The following ITGBL1 variants were observed in gnomAD, a reference collection of about 807,000 sequenced individuals.
ITGBL1 encodes integrin subunit beta like 1.
Under a neutral mutation model 68.5 loss-of-function variants are expected in ITGBL1, and 51 were observed. The ratio of observed to expected loss-of-function variants is 0.74; its 90% CI spans 0.59 to 0.94. The LOEUF is 0.94. ITGBL1 is among the 40% of genes least tolerant of loss of function. The pLI, the probability that ITGBL1 is intolerant of heterozygous loss-of-function variation, is 0.00. For missense variants in ITGBL1, 649 were observed against 647.4 expected, an observed-to-expected ratio of 1.00 and a Z score of -0.03; for synonymous variants, 209 against 227.3, an observed-to-expected ratio of 0.92 and a Z score of 0.72.
Position 101,671,437 on chromosome 13 carries a change from G to GTTT in ITGBL1, c.1016-21141_1016-21139dup, listed in dbSNP as rs1491455482. 1.3e-3 allele frequency among the ~76,000 whole-genome samples: 136 copies of GTTT among 102,834 alleles called. 10 individuals are homozygous for GTTT. The highest frequency in any genetic ancestry group is 7.2e-3 in the East Asian group (18 of 2,512). The allele number at this position is 102,834 out of a possible 152,430, so 67.5% of individuals were successfully genotyped here. On this transcript the variant is annotated intron_variant, in intron 7 of 10. Coordinates refer to ENST00000376180, the MANE Select transcript of ITGBL1 (RefSeq NM_004791.3). The stretch of plus-strand genomic sequence containing the variant: ...AAAAGTATACCTTTGTTTTTTTTTT[G>GTTT]TTTTTTTTTGTTTTTTTTTGAGACG...
intron 2 of ITGBL1, among the ~76,000 whole-genome samples, chr13:101,478,432 A>G (rs1260250339): frequency 1.3e-5 from 2 of 152,128 alleles, no homozygotes; most frequent in Admixed American, 1.3e-4. Flanking sequence ...CACGATACGG[A>G]TGCCCACTTT....
intron 7 of ITGBL1, among the ~76,000 whole-genome samples, chr13:101,605,206 GTATA>G (rs1486003559): frequency 7.0e-6 from 1 of 142,448 alleles, no homozygotes; most frequent in African/African-American, 2.7e-5. Flanking sequence ...GTGTATATGC[GTATA>G]TATACACATA....
At chr13:101,463,999 C>T (rs12428334) in intron 2 of ITGBL1, among the ~76,000 whole-genome samples, 3 of 150,862 alleles carry the variant, frequency 2.0e-5, no homozygotes, top group Admixed American at 6.6e-5. Context: ...ACCTCCACCC[C>T]CCGGATTCAA....
chr13:101,538,823 T>A (rs1424831017), intron 2 of ITGBL1, among the ~76,000 whole-genome samples: 1 of 152,098 alleles, frequency 6.6e-6, no homozygotes. Flanking sequence ...ACTTACATAG[T>A]GTTTATTATG....
At chr13:101,711,128 G>A (rs2034445892) in intron 9 of ITGBL1, 1 of 152,218 alleles carries the variant, frequency 6.6e-6, no homozygotes, top group African/African-American at 2.4e-5. Context: ...CCTTTGCAAA[G>A]TACATGATAT....
At chr13:101,510,433 C>T (rs554305306) in intron 2 of ITGBL1, among the ~76,000 whole-genome samples, 3 of 152,060 alleles carry the variant, frequency 2.0e-5, no homozygotes, top group East Asian at 3.9e-4. Flanking sequence ...AGGTTGATTC[C>T]GTGTTTTTGC....
At chr13:101,518,427 C>A (rs2049230037) in intron 2 of ITGBL1, among the ~76,000 whole-genome samples, 1 of 152,104 alleles carries the variant, frequency 6.6e-6, no homozygotes, top group African/African-American at 2.4e-5. Context: ...GTCATCTGTC[C>A]AAACAGTTAA....
At chr13:101,502,124 T>TA (rs967484088) in intron 2 of ITGBL1, among the ~76,000 whole-genome samples, 4 of 152,128 alleles carry the variant, frequency 2.6e-5, no homozygotes, top group African/African-American at 9.6e-5. Context: ...AGTACACACT[T>TA]AAAAAAAACA....
chr13:101,590,505 C>CCCGCAT (rs1268322061), intron 6 of ITGBL1, among the ~76,000 whole-genome samples: 1 of 152,072 alleles, frequency 6.6e-6, no homozygotes, highest in African/African-American at 2.4e-5. Context: ...CTTCCTGGGT[C>CCCGCAT]CCGCATCGGC....
chr13:101,678,007 A>G (rs1260339224), intron 7 of ITGBL1, among the ~76,000 whole-genome samples: 4 of 152,230 alleles, frequency 2.6e-5, no homozygotes, highest in African/African-American at 9.6e-5. Flanking sequence ...TGAAAATACC[A>G]TTTAACTACA....
intron 7 of ITGBL1, among the ~76,000 whole-genome samples, chr13:101,609,187 T>C (rs538184851): frequency 6.6e-6 from 1 of 152,258 alleles, no homozygotes; most frequent in South Asian, 2.1e-4. Flanking sequence ...TGTATATGCA[T>C]CATACATTTC....
At chr13:101,624,274 AT>A (rs1231475540) in intron 7 of ITGBL1, among the ~76,000 whole-genome samples, 5 of 152,310 alleles carry the variant, frequency 3.3e-5, no homozygotes, top group African/African-American at 1.2e-4. Context: ...TGTGAAAACT[AT>A]TGCTTTAGCG....
chr13:101,498,915 T>C (rs1594848467), intron 2 of ITGBL1, among the ~76,000 whole-genome samples: 2 of 152,254 alleles, frequency 1.3e-5, no homozygotes, highest in East Asian at 3.9e-4. Context: ...ACGTCTTACA[T>C]GGCAGTGGGC....
At chr13:101,471,828 G>A (rs917725638) in intron 2 of ITGBL1, among the ~76,000 whole-genome samples, 1 of 152,042 alleles carries the variant, frequency 6.6e-6, no homozygotes, top group African/African-American at 2.4e-5. Flanking sequence ...GCCCAAGCCA[G>A]ATATCTCTGC....
At chr13:101,589,284 A>G (rs1385247945) in intron 6 of ITGBL1, among the ~76,000 whole-genome samples, 3 of 152,216 alleles carry the variant, frequency 2.0e-5, no homozygotes, top group Non-Finnish European at 4.4e-5. Flanking sequence ...CTTCTATGAT[A>G]TACAGTAAGA....
In ITGBL1 at chr13:101,454,000, C is replaced by A. The variant is rs1234588004; in HGVS notation, c.216C>A (p.Gly72=). ...ACGGCCGGGGCCGCTGCGACTGCGG[C>A]GTCTGCATCTGCCACGTGACTGAGC... ...LCHGRGRCDC[G]VCICHVTEPG... is the part of the protein sequence containing the mutation. Residue 72 remains glycine, a synonymous_variant, in exon 2 of 11, where the codon GGC becomes GGA. Transcript: ENST00000376180. 6.4e-7 allele frequency: 1 copy of A among 1,565,872 alleles called. No homozygotes were observed. Among genetic ancestry groups the A allele is most frequent in the South Asian group, 1.2e-5 (1 of 84,266 alleles).
intron 2 of ITGBL1, among the ~76,000 whole-genome samples, chr13:101,481,002 ATGTGTGTGTGTG>A (rs71121195): frequency 3.8e-4 from 55 of 143,318 alleles, no homozygotes; most frequent in African/African-American, 9.6e-4. Context: ...GCCAAAAGAT[ATGTGTGTGTGTG>A]TGTGTGTGTG....
intron 7 of ITGBL1, among the ~76,000 whole-genome samples, chr13:101,634,567 C>T (rs1478211898): frequency 6.6e-6 from 1 of 152,026 alleles, no homozygotes; most frequent in Admixed American, 6.6e-5. Context: ...TTTTGAGAAT[C>T]CACTGGGCTA....
chr13:101,516,150 T>C (rs1255201849), intron 2 of ITGBL1, among the ~76,000 whole-genome samples: 1 of 152,288 alleles, frequency 6.6e-6, no homozygotes, highest in East Asian at 1.9e-4. Context: ...TTGGTGCACC[T>C]TGTATTTATT....
Sources: allele counts gnomAD v4.1 joint callset (sites outside exome capture counted in the v4.1 genomes callset), GRCh38; gene constraint gnomAD v4.1.1; transcripts MANE v1.5; gene names NCBI Gene and HGNC (gene_info 2026-07-23, HGNC 2026-07-21).